Variants in BTLA observed in about 807,000 individuals in gnomAD.
BTLA encodes B and T lymphocyte associated, also known as B- and T-lymphocyte attenuator.
A neutral mutation model predicts 25.0 loss-of-function variants in BTLA; 11 were observed. That is an observed-to-expected ratio of 0.44 (90% confidence interval 0.28 to 0.73). The LOEUF (loss-of-function observed/expected upper bound fraction) is 0.73. Ranked by LOEUF, BTLA falls within the 30% of genes least tolerant of loss-of-function variation. The pLI is 0.15. For missense variants in BTLA, 282 were observed against 332.8 expected (o/e 0.85, Z 1.19); for synonymous variants, 104 against 119.8 (o/e 0.87, Z 0.86).
At chr3:112,469,624 T>TAGTACATAGA (rs1559823188) in intron 4 of BTLA, 134 bp downstream of exon 4, 1 of 33,758 alleles carries the variant, frequency 3.0e-5, no homozygotes, top group Non-Finnish European at 1.2e-4. Context: ...TATATATATA[T>TAGTACATAGA]ATATATATAT....
intron 4 of BTLA, among the ~76,000 whole-genome samples, chr3:112,468,017 TGGCA>T (rs1162350313): frequency 2.6e-5 from 4 of 152,230 alleles, no homozygotes; most frequent in Non-Finnish European, 4.4e-5. Flanking sequence ...ACCCCTGCTG[TGGCA>T]CCCCGTCAAA....
intron 1 of BTLA, among the ~76,000 whole-genome samples, chr3:112,484,108 G>T (rs1461585987): frequency 2.0e-5 from 3 of 152,158 alleles, no homozygotes; most frequent in Non-Finnish European, 4.4e-5. Flanking sequence ...AGCAGTGCAT[G>T]GGACAGAGGA....
At chr3:112,473,413 C>T (rs1168782842) in intron 2 of BTLA, among the ~76,000 whole-genome samples, 1 of 152,078 alleles carries the variant, frequency 6.6e-6, no homozygotes, top group African/African-American at 2.4e-5. Context: ...TTGATCACCT[C>T]TTCCCCATTC....
intron 2 of BTLA, among the ~76,000 whole-genome samples, chr3:112,477,900 T>C (rs891478347): frequency 6.6e-5 from 10 of 152,064 alleles, no homozygotes; most frequent in African/African-American, 2.2e-4. Flanking sequence ...CTGAATAATC[T>C]TGGTACCCTT....
chr3:112,480,881 C>T (rs2082314584), intron 1 of BTLA, among the ~76,000 whole-genome samples: 2 of 152,126 alleles, frequency 1.3e-5, no homozygotes, highest in African/African-American at 4.8e-5. Context: ...TAATTTATTG[C>T]AGAATCAATT....
At chr3:112,467,202 C>T (rs1437252420) in intron 4 of BTLA, among the ~76,000 whole-genome samples, 2 of 152,204 alleles carry the variant, frequency 1.3e-5, no homozygotes, top group South Asian at 2.1e-4. Flanking sequence ...CCTCGTGATC[C>T]GCCCGCCTCG....
intron 1 of BTLA, among the ~76,000 whole-genome samples, chr3:112,491,010 A>C (rs2082377228): frequency 6.6e-6 from 1 of 152,198 alleles, no homozygotes; most frequent in Non-Finnish European, 1.5e-5. Flanking sequence ...GAAGACTTTA[A>C]GCTCTGTATC....
At chr3:112,491,769 A>G (rs1201952225) in intron 1 of BTLA, among the ~76,000 whole-genome samples, 1 of 152,240 alleles carries the variant, frequency 6.6e-6, no homozygotes, top group Non-Finnish European at 1.5e-5. Context: ...TGTAAAGCCT[A>G]TGAATGGTAA....
In BTLA at chr3:112,483,314, G is replaced by A. The variant is rs1425105042; in HGVS notation, c.89-3545C>T. Among the ~76,000 whole-genome samples, 3 of 151,328 alleles carry A rather than the reference G, an allele frequency of 2.0e-5. No homozygotes were observed. The East Asian group carries it at 5.9e-4, about 30-fold the overall frequency. On this transcript the variant is annotated intron_variant, in intron 1 of 4. Transcript: ENST00000334529. ...CAGGCGCCCACCACCACGCCCAGCT[G>A]ATTTTGTATTTTTAGTAAAGACGGG... is the stretch of plus-strand genomic sequence containing the variant.
At chr3:112,495,819 A>C (rs948272985) in intron 1 of BTLA, among the ~76,000 whole-genome samples, 1 of 152,228 alleles carries the variant, frequency 6.6e-6, no homozygotes, top group Non-Finnish European at 1.5e-5. Flanking sequence ...GTAGTAGAGC[A>C]AAACAATCTG....
chr3:112,466,243 A>AT lies in BTLA; in HGVS notation c.734dup (p.Asn245LysfsTer58). 1 of 1,614,130 alleles carries AT rather than the reference A, an allele frequency of 6.2e-7. No homozygotes were observed. Among genetic ancestry groups the AT allele is most frequent in the Non-Finnish European group, 8.5e-7 (1 of 1,179,992 alleles). ...CTGGTTTGTTTTCTTCCAGGCATGG[A>AT]TTAGAATAAACTTCAGACCCTTCCT... On this transcript the variant is annotated frameshift_variant, in exon 5 of 5. Coordinates refer to ENST00000334529, the MANE Select transcript of BTLA (RefSeq NM_181780.4). LOFTEE classifies it low-confidence loss of function (END_TRUNC).
At chr3:112,468,458 A>C (rs1242973004) in intron 4 of BTLA, among the ~76,000 whole-genome samples, 1 of 152,240 alleles carries the variant, frequency 6.6e-6, no homozygotes, top group Non-Finnish European at 1.5e-5. Context: ...GAAATGCTAG[A>C]CAACTGAAAT....
At chr3:112,488,513 C>T (rs552781435) in intron 1 of BTLA, among the ~76,000 whole-genome samples, 1 of 152,284 alleles carries the variant, frequency 6.6e-6, no homozygotes, top group South Asian at 2.1e-4. Flanking sequence ...TGAGCCACCG[C>T]ACTGGGCCTA....
chr3:112,468,411 C>T (rs1024525833), intron 4 of BTLA, among the ~76,000 whole-genome samples: 8 of 152,134 alleles, frequency 5.3e-5, no homozygotes, highest in Non-Finnish European at 1.0e-4. Flanking sequence ...ATATTTAGCC[C>T]CAAGGGTATA....
chr3:112,477,828 A>T (rs2082296906), intron 2 of BTLA, among the ~76,000 whole-genome samples: 1 of 151,986 alleles, frequency 6.6e-6, no homozygotes. Context: ...GTTCAAATTA[A>T]TTCTTTTACA....
intron 1 of BTLA, among the ~76,000 whole-genome samples, 178 bp downstream of exon 1, chr3:112,499,093 T>C (rs1038756685): frequency 1.3e-5 from 2 of 152,170 alleles, no homozygotes; most frequent in African/African-American, 4.8e-5. Flanking sequence ...GTGAATACTA[T>C]GTTCTAATTT....
In BTLA at chr3:112,479,728, A is replaced by C. The variant is rs1399325436; in HGVS notation, c.130T>G (p.Ser44Ala). Residue 44 changes from serine to alanine, a missense_variant, in exon 2 of 5, where the codon TCT becomes GCT. Coordinates refer to ENST00000334529, the MANE Select transcript of BTLA (RefSeq NM_181780.4). ...CDVQLYIKRQ[S>A]EHSILAGDPF... ...TCTCCTGCTAAGATGGAGTGTTCAG[A>C]TTGTCTCTTTATATAAAGCTGTACA... 1 of 1,613,476 alleles carries C rather than the reference A, an allele frequency of 6.2e-7. No individual in the cohort carries two copies. The highest frequency in any genetic ancestry group is 8.5e-7 in the Non-Finnish European group (1 of 1,179,698).
chr3:112,470,032 A>G, intron 3 of BTLA: 1 of 431,848 alleles, frequency 2.3e-6, no homozygotes, highest in Non-Finnish European at 4.2e-6. Flanking sequence ...ATCTAAAAGG[A>G]AGGGGAGGGA....
intron 4 of BTLA, among the ~76,000 whole-genome samples, chr3:112,468,699 T>G (rs553918874): frequency 2.0e-4 from 30 of 152,260 alleles, no homozygotes; most frequent in Non-Finnish European, 4.0e-4. Flanking sequence ...CTTATTGTAA[T>G]CAAGTGAAAT....
Sources: allele counts gnomAD v4.1 joint callset (sites outside exome capture counted in the v4.1 genomes callset), GRCh38; gene constraint gnomAD v4.1.1; transcripts MANE v1.5; gene names NCBI Gene and HGNC (gene_info 2026-07-23, HGNC 2026-07-21).